RAB3IP: variants seen among roughly 807,000 people sequenced by gnomAD.
RAB3IP encodes rab-3A-interacting protein.
Under a neutral mutation model 59.1 loss-of-function variants are expected in RAB3IP, and 36 were observed. The observed-to-expected ratio is 0.61, with a 90% CI of 0.47 to 0.80. The LOEUF (loss-of-function observed/expected upper bound fraction) is 0.80, where lower values mean the gene tolerates loss of function less well. Among genes scored for constraint, RAB3IP ranks in the 30% least tolerant of loss-of-function variants. RAB3IP has a pLI of 0.00. For synonymous variants in RAB3IP, 207 were observed against 191.2 expected (o/e 1.08, Z -0.68); for missense variants, 511 against 536.0 (o/e 0.95, Z 0.46).
In RAB3IP at chr12:69,815,507, A is replaced by G. The variant is rs1881042169; in HGVS notation, c.*61A>G. The G allele has an allele frequency of 8.5e-7, 1 of 1,170,164 alleles. No homozygotes were observed. Among genetic ancestry groups the G allele is most frequent in the Non-Finnish European group, 1.3e-6 (1 of 783,696 alleles). 72.5% of individuals were successfully genotyped at this position (1,170,164 alleles called of 1,614,324 possible). ...AACTGAAAAATGGCTGAATATTTTT[A>G]TGGTTACTTGATATTTATTTCCAAG... On this transcript the variant is annotated 3_prime_UTR_variant, in exon 11 of 11. Coordinates refer to ENST00000247833, the MANE Select transcript of RAB3IP (RefSeq NM_022456.5).
chr12:69,818,619 A>G lies in RAB3IP; in HGVS notation c.*3173A>G, dbSNP rs543043528. 2 of 152,310 alleles carry G rather than the reference A, an allele frequency of 1.3e-5. No homozygotes were observed. Among genetic ancestry groups the G allele is most frequent in the African/African-American group, 2.4e-5 (1 of 41,572 alleles). 9.4% of individuals were successfully genotyped at this position (152,310 alleles called of 1,614,324 possible). On this transcript the variant is annotated 3_prime_UTR_variant, in exon 11 of 11. Coordinates refer to ENST00000247833, the MANE Select transcript of RAB3IP (RefSeq NM_022456.5). The stretch of plus-strand genomic sequence containing the variant: ...TGTTCACAGAATGGGTGATTATTAC[A>G]TGGCAGCAAAATGAATGAATACCAG...
chr12:69,801,774 T>C (rs910107936), intron 8 of RAB3IP, 53 bp downstream of exon 8: 5 of 1,096,360 alleles, frequency 4.6e-6, no homozygotes, highest in African/African-American at 3.1e-5. Flanking sequence ...TGAAATGTTA[T>C]GGGTTGCAGT....
intron 8 of RAB3IP, among the ~76,000 whole-genome samples, chr12:69,803,458 G>A (rs984357267): frequency 4.6e-5 from 7 of 151,950 alleles, no homozygotes; most frequent in African/African-American, 1.7e-4. Flanking sequence ...TACTCTTCTT[G>A]AAGGAAGAGA....
chr12:69,781,393 A>G (rs1314426599), intron 3 of RAB3IP, among the ~76,000 whole-genome samples: 2 of 152,172 alleles, frequency 1.3e-5, no homozygotes, highest in Non-Finnish European at 2.9e-5. Flanking sequence ...CCCAAAGTTC[A>G]TAGTTTACAT....
Position 69,794,603 on chromosome 12 carries a change from CGTAAA to C in RAB3IP, c.684+93_684+97del, listed in dbSNP as rs1443215900. On this transcript the variant is annotated intron_variant, in intron 5 of 10. Coordinates refer to ENST00000247833, the MANE Select transcript of RAB3IP (RefSeq NM_022456.5). ...AACATCTGTTGGATTTTGTTCTGAT[CGTAAA>C]GTAGTGCTTGTTTTCAATTTGGAAA... is the stretch of plus-strand genomic sequence containing the variant. The C allele has an allele frequency of 8.2e-6, 8 of 976,328 alleles. No homozygotes were observed. In the African/African-American group the frequency reaches 1.3e-4, roughly 16 times the overall value. The allele number at this position is 976,328 out of a possible 1,614,324, so 60.5% of individuals were successfully genotyped here.
intron 7 of RAB3IP, among the ~76,000 whole-genome samples, chr12:69,800,973 G>A (rs1592595434): frequency 6.6e-6 from 1 of 152,154 alleles, no homozygotes; most frequent in South Asian, 2.1e-4. Context: ...CTTACCAGGA[G>A]AAGTTAAGAT....
At chr12:69,765,657 C>G (rs1433472164) in intron 3 of RAB3IP, among the ~76,000 whole-genome samples, 1 of 152,186 alleles carries the variant, frequency 6.6e-6, no homozygotes, top group Non-Finnish European at 1.5e-5. Context: ...TATATCAAAG[C>G]CTCTGCACAG....
intron 1 of RAB3IP, among the ~76,000 whole-genome samples, chr12:69,754,342 GGCACAC>G (rs56307391): frequency 0.22 from 32,345 of 149,984 alleles, 4,107 homozygotes; most frequent in Middle Eastern, 0.35. Flanking sequence ...CAGATACACG[GGCACAC>G]ACACACACAC....
intron 3 of RAB3IP, among the ~76,000 whole-genome samples, chr12:69,764,026 T>C (rs1412095600): frequency 6.6e-6 from 1 of 152,224 alleles, no homozygotes; most frequent in Admixed American, 6.5e-5. Context: ...GCATCTAGGT[T>C]GATTCCATGT....
At chr12:69,791,100 C>CT (rs1400391690) in intron 4 of RAB3IP, among the ~76,000 whole-genome samples, 25 of 152,252 alleles carry the variant, frequency 1.6e-4, no homozygotes, top group Admixed American at 1.1e-3. Context: ...AGTAGATAGT[C>CT]TTATCAATAA....
chr12:69,767,239 C>T (rs1310951682), intron 3 of RAB3IP, among the ~76,000 whole-genome samples: 1 of 151,292 alleles, frequency 6.6e-6, no homozygotes, highest in African/African-American at 2.4e-5. Context: ...TTTGGTTTTG[C>T]TTCTATAGTT....
intron 1 of RAB3IP, among the ~76,000 whole-genome samples, chr12:69,751,615 A>G (rs914251814): frequency 3.9e-5 from 6 of 152,168 alleles, no homozygotes; most frequent in African/African-American, 1.4e-4. Context: ...AGCATAACTT[A>G]TTTGCTTCAT....
intron 7 of RAB3IP, 138 bp downstream of exon 7, chr12:69,800,475 C>T: frequency 1.8e-6 from 1 of 544,474 alleles, no homozygotes; most frequent in Admixed American, 4.0e-5. Flanking sequence ...TTTTGCCATT[C>T]CGTACTAGAA....
rs776927853 is a variant in RAB3IP at position 69,817,112 on chromosome 12, A to G, written c.*1666A>G. 2 of 152,254 alleles carry G rather than the reference A, an allele frequency of 1.3e-5. No homozygotes were observed. The highest frequency in any genetic ancestry group is 2.9e-5 in the Non-Finnish European group (2 of 68,048). The allele number at this position is 152,254 out of a possible 1,614,324, so 9.4% of individuals were successfully genotyped here. A position where few individuals can be genotyped will look rare whatever the true frequency, so the allele number is the denominator to read the frequency against. On this transcript the variant is annotated 3_prime_UTR_variant, in exon 11 of 11. Coordinates refer to ENST00000247833, the MANE Select transcript of RAB3IP (RefSeq NM_022456.5). The stretch of plus-strand genomic sequence containing the variant: ...AAAGTACCTAAATAAAAAGAGAAAC[A>G]AATCCAGGAGATACTGTACGGTTTG...
At chr12:69,811,613 A>G (rs771825884) in intron 8 of RAB3IP, among the ~76,000 whole-genome samples, 1 of 152,206 alleles carries the variant, frequency 6.6e-6, no homozygotes, top group East Asian at 1.9e-4. Flanking sequence ...TTTGTGCTTT[A>G]AATTTCTGTA....
At chr12:69,781,120 G>C (rs74101328) in intron 3 of RAB3IP, among the ~76,000 whole-genome samples, 3,213 of 151,510 alleles carry the variant, frequency 0.021, 116 homozygotes, top group African/African-American at 0.073. Flanking sequence ...TAATTTTTTT[G>C]GTTTTTAAAA....
chr12:69,757,243 C>T (rs1870378618), intron 3 of RAB3IP, among the ~76,000 whole-genome samples: 2 of 151,946 alleles, frequency 1.3e-5, no homozygotes, highest in South Asian at 4.1e-4. Flanking sequence ...CATCAGAAAA[C>T]AGGAAAAGTC....
At chr12:69,740,805 AT>A (rs968148953) in intron 1 of RAB3IP, among the ~76,000 whole-genome samples, 2 of 152,182 alleles carry the variant, frequency 1.3e-5, no homozygotes, top group African/African-American at 4.8e-5. Context: ...TCACCCCCTC[AT>A]TTTTTAAATA....
intron 4 of RAB3IP, among the ~76,000 whole-genome samples, chr12:69,788,159 ACT>A (rs1426286085): frequency 6.6e-6 from 1 of 152,060 alleles, no homozygotes; most frequent in Non-Finnish European, 1.5e-5. Flanking sequence ...ACTGCTGATA[ACT>A]CACACATCTA....
Sources: gnomAD v4.1 joint callset for allele counts (sites outside exome capture counted in the v4.1 genomes callset) on GRCh38, gnomAD v4.1.1 for gene constraint, MANE v1.5 for transcripts, NCBI Gene and HGNC (gene_info 2026-07-23, HGNC 2026-07-21) for gene names.